Variants in KDM4C observed in about 807,000 individuals in gnomAD.
KDM4C encodes lysine demethylase 4C, also known as lysine-specific demethylase 4C.
A neutral mutation model predicts 129.3 loss-of-function variants in KDM4C; 81 were observed. The observed-to-expected ratio is 0.63, with a 90% CI of 0.52 to 0.75. The LOEUF is 0.75. Ranked by LOEUF, KDM4C falls within the 30% of genes least tolerant of loss-of-function variation. The probability of loss-of-function intolerance (pLI) is 0.00; values close to 1 mark genes in which losing one functional copy is unlikely to be tolerated. For synonymous variants in KDM4C, 573 were observed against 456.1 expected (o/e 1.26, Z -3.26); for missense variants, 1,457 against 1,304.0 (o/e 1.12, Z -1.81).
chr9:7,141,729 G>A (rs1841760293), intron 19 of KDM4C, among the ~76,000 whole-genome samples: 1 of 151,974 alleles, frequency 6.6e-6, no homozygotes, highest in South Asian at 2.1e-4. Context: ...TACACCTAGA[G>A]CAGTTACCAT....
At chr9:7,102,133 G>A (rs1301686232) in intron 17 of KDM4C, among the ~76,000 whole-genome samples, 2 of 152,024 alleles carry the variant, frequency 1.3e-5, no homozygotes, top group African/African-American at 4.8e-5. Flanking sequence ...TTTTTAATCA[G>A]TTAAGCCACA....
intron 15 of KDM4C, among the ~76,000 whole-genome samples, chr9:7,029,903 T>G (rs1202627400): frequency 1.3e-5 from 2 of 152,230 alleles, no homozygotes; most frequent in Non-Finnish European, 2.9e-5. Flanking sequence ...TGTCATTGTT[T>G]ATTGCCAGTT....
At chr9:7,163,267 A>T (rs1844002123) in intron 19 of KDM4C, among the ~76,000 whole-genome samples, 1 of 152,156 alleles carries the variant, frequency 6.6e-6, no homozygotes, top group Non-Finnish European at 1.5e-5. Flanking sequence ...ATTAGGTCCA[A>T]ATAACTCATC....
chr9:6,912,836 CT>C (rs549154821), intron 8 of KDM4C, among the ~76,000 whole-genome samples: 2 of 151,828 alleles, frequency 1.3e-5, no homozygotes, highest in East Asian at 3.8e-4. Context: ...TTTTTTAATC[CT>C]TTTTTTAACT....
At chr9:6,983,081 A>C (rs547345925) in intron 9 of KDM4C, among the ~76,000 whole-genome samples, 4 of 152,194 alleles carry the variant, frequency 2.6e-5, no homozygotes, top group Non-Finnish European at 4.4e-5. Flanking sequence ...CACATCAGCC[A>C]ATGCATGGAT....
chr9:6,908,508 G>A lies in KDM4C; in HGVS notation c.921+15276G>A, dbSNP rs1012685273. Among the ~76,000 whole-genome samples the A allele has an allele frequency of 3.3e-5, 5 of 152,074 alleles. No individual in the cohort carries two copies. In the East Asian group the frequency reaches 5.8e-4, roughly 18 times the overall value. On this transcript the variant is annotated intron_variant, in intron 8 of 21. Transcript: ENST00000381309. Reference sequence around the variant, plus strand: ...GCTTGAGTGGGGCACAGGTGGGAACGGGCGTCCACGGAAGGACCCCACCTG... The same window carrying A: ...GCTTGAGTGGGGCACAGGTGGGAACAGGCGTCCACGGAAGGACCCCACCTG...
intron 1 of KDM4C, among the ~76,000 whole-genome samples, chr9:6,781,908 T>C (rs1326590338): frequency 1.3e-5 from 2 of 151,870 alleles, no homozygotes; most frequent in African/African-American, 2.4e-5. Context: ...ACCTGCAGTC[T>C]CAGCCTCCTG....
chr9:7,122,265 A>ACACACACG lies in KDM4C; in HGVS notation c.2611-5800_2611-5799insACACACGC, dbSNP rs375655422. On this transcript the variant is annotated intron_variant, in intron 18 of 21. Transcript: ENST00000381309. ...CACACACACACACACACACACACAC[A>ACACACACG]CTCTCTCTCTCTCTCTCTCTTAAAC... is the stretch of plus-strand genomic sequence containing the variant. Among the ~76,000 whole-genome samples, 31 of 144,822 alleles carry ACACACACG rather than the reference A, an allele frequency of 2.1e-4. 1 individual carries two copies. The South Asian group carries it at 5.9e-3, about 28-fold the overall frequency.
At chr9:6,930,726 T>A (rs904903356) in intron 8 of KDM4C, among the ~76,000 whole-genome samples, 2 of 145,340 alleles carry the variant, frequency 1.4e-5, no homozygotes, top group African/African-American at 2.5e-5. Context: ...ATTATTATAA[T>A]ATAATAATTA....
At chr9:7,103,598 TC>T in intron 17 of KDM4C, 86 bp from the exon 18 acceptor site, 5 of 976,182 alleles carry the variant, frequency 5.1e-6, no homozygotes, top group Admixed American at 2.5e-5. Flanking sequence ...TTTTTTTTCT[TC>T]TCTAGTAGCT....
intron 4 of KDM4C, among the ~76,000 whole-genome samples, chr9:6,825,373 C>G (rs78745179): frequency 0.043 from 6,594 of 152,220 alleles, 200 homozygotes; most frequent in East Asian, 0.15. Context: ...AACACCTTGA[C>G]AACTGCTTCG....
In KDM4C at chr9:7,046,855, C is replaced by A. The variant is rs756410727; in HGVS notation, c.2260-7C>A. Reference sequence around the variant, plus strand: ...GGTCATCATGTGGTATTTTCTTTTCCCCCCAGGAATGCTGTCTCTGCAATT... The same window carrying A: ...GGTCATCATGTGGTATTTTCTTTTCACCCCAGGAATGCTGTCTCTGCAATT... On this transcript the variant is annotated splice_polypyrimidine_tract_variant and splice_region_variant and intron_variant, in intron 15 of 21. Transcript: ENST00000381309. 2 of 1,601,838 alleles carry A rather than the reference C, an allele frequency of 1.2e-6. No homozygotes were observed. The highest frequency in any genetic ancestry group is 2.2e-5 in the South Asian group (2 of 90,540).
At chr9:6,802,796 G>A (rs1829254946) in intron 2 of KDM4C, among the ~76,000 whole-genome samples, 1 of 152,154 alleles carries the variant, frequency 6.6e-6, no homozygotes, top group African/African-American at 2.4e-5. Flanking sequence ...TAGTAGAGAT[G>A]GGGTTTCACC....
At chr9:6,930,626 CAT>C (rs1469917207) in intron 8 of KDM4C, among the ~76,000 whole-genome samples, 31 of 147,378 alleles carry the variant, frequency 2.1e-4, no homozygotes, top group Middle Eastern at 3.7e-3. Context: ...TAATATATAA[CAT>C]ATTCATATGT....
At chr9:6,949,641 C>G (rs1247470419) in intron 8 of KDM4C, among the ~76,000 whole-genome samples, 1 of 152,216 alleles carries the variant, frequency 6.6e-6, no homozygotes. Flanking sequence ...GAGCTGGAGA[C>G]CAGCCCGGCC....
At chr9:6,906,149 T>C (rs966135185) in intron 8 of KDM4C, among the ~76,000 whole-genome samples, 5 of 152,222 alleles carry the variant, frequency 3.3e-5, no homozygotes, top group Non-Finnish European at 7.3e-5. Context: ...TAGTTGTAGA[T>C]TAACATGATG....
chr9:7,031,508 C>A (rs1439167213), intron 15 of KDM4C, among the ~76,000 whole-genome samples: 4 of 152,048 alleles, frequency 2.6e-5, no homozygotes, highest in African/African-American at 4.8e-5. Flanking sequence ...CAAACTATAT[C>A]TTGATGATCA....
At chr9:7,106,209 G>A (rs951372926) in intron 18 of KDM4C, among the ~76,000 whole-genome samples, 6 of 152,134 alleles carry the variant, frequency 3.9e-5, no homozygotes, top group Admixed American at 6.5e-5. Flanking sequence ...TAAGAACATT[G>A]TGATTTGCCC....
chr9:6,733,216 G>T (rs1469681548), intron 1 of KDM4C, among the ~76,000 whole-genome samples: 1 of 152,182 alleles, frequency 6.6e-6, no homozygotes, highest in Non-Finnish European at 1.5e-5. Flanking sequence ...CAAAACTCAG[G>T]CTCTGGGACA....
Sources: gnomAD v4.1 joint callset for allele counts (sites outside exome capture counted in the v4.1 genomes callset) on GRCh38, gnomAD v4.1.1 for gene constraint, MANE v1.5 for transcripts, NCBI Gene and HGNC (gene_info 2026-07-23, HGNC 2026-07-21) for gene names.